COMMD10: variants seen among roughly 807,000 people sequenced by gnomAD.
COMMD10 encodes the protein COMM domain-containing protein 10.
COMMD10 carries 33 observed loss-of-function variants against 28.9 expected under a neutral mutation model. That is an observed-to-expected ratio of 1.14 (90% CI 0.87 to 1.53). The LOEUF (loss-of-function observed/expected upper bound fraction) is 1.53, where lower values mean the gene tolerates loss of function less well. Ranked by LOEUF, COMMD10 falls within the 40% of genes most tolerant of loss-of-function variation. The pLI, the probability that COMMD10 is intolerant of heterozygous loss-of-function variation, is 0.00. For missense variants in COMMD10, 310 were observed against 233.4 expected (o/e 1.33, Z -2.14); for synonymous variants, 110 against 81.7 (o/e 1.35, Z -1.87).
intron 5 of COMMD10, among the ~76,000 whole-genome samples, chr5:116,168,989 C>T (rs191246422): frequency 1.8e-3 from 268 of 151,624 alleles, no homozygotes; most frequent in African/African-American, 5.9e-3. Flanking sequence ...CAGAGTAGAA[C>T]GAAAGGAGAT....
At chr5:116,237,319 CAG>C (rs767709935) in intron 5 of COMMD10, among the ~76,000 whole-genome samples, 1 of 151,994 alleles carries the variant, frequency 6.6e-6, no homozygotes, top group Non-Finnish European at 1.5e-5. Flanking sequence ...CTTAGTGTGA[CAG>C]AGATGGGAAG....
In COMMD10 at chr5:116,287,270, T is replaced by G. The variant is rs185013920; in HGVS notation, c.511-4247T>G. ...CACCAAAGCTATGAGGTTTGGTGCATAAATATTTATAATTGTTTTATTTTC... is the reference window on the plus strand; with the variant it reads ...CACCAAAGCTATGAGGTTTGGTGCAGAAATATTTATAATTGTTTTATTTTC... On this transcript the variant is annotated intron_variant, in intron 5 of 6. Transcript: ENST00000274458. Among the ~76,000 whole-genome samples, 327 of 151,792 alleles carry G rather than the reference T, an allele frequency of 2.2e-3. 3 individuals carry two copies. The highest frequency in any genetic ancestry group is 3.2e-3 in the Non-Finnish European group (217 of 67,884).
rs1206706012 is a variant in COMMD10, at chr5:116,226,006, G to T, written c.511-65511G>T. Among the ~76,000 whole-genome samples, 5 of 151,914 alleles carry T rather than the reference G, an allele frequency of 3.3e-5. No individual in the cohort carries two copies. The East Asian group carries it at 7.7e-4, about 23-fold the overall frequency. ...TTCCAGCTCTCCACTCCAAGTTCTA[G>T]CATCTTTAGCCAGTGCGATGCCATT... On this transcript the variant is annotated intron_variant, in intron 5 of 6. Coordinates refer to ENST00000274458, the MANE Select transcript of COMMD10 (RefSeq NM_016144.4).
intron 5 of COMMD10, among the ~76,000 whole-genome samples, chr5:116,204,990 T>G (rs986107137): frequency 2.0e-5 from 3 of 152,060 alleles, no homozygotes; most frequent in African/African-American, 7.2e-5. Context: ...TAGTTAAAGG[T>G]GCATGATAAA....
intron 5 of COMMD10, among the ~76,000 whole-genome samples, chr5:116,233,820 G>A (rs749591155): frequency 1.3e-5 from 2 of 152,114 alleles, no homozygotes; most frequent in Non-Finnish European, 2.9e-5. Context: ...GAGGGGTGTG[G>A]TAGGACAGAT....
At chr5:116,250,344 T>G (rs1032801394) in intron 5 of COMMD10, among the ~76,000 whole-genome samples, 6 of 151,840 alleles carry the variant, frequency 4.0e-5, no homozygotes, top group African/African-American at 1.4e-4. Context: ...CATATGAATA[T>G]GAACAATTTA....
rs146290776 is a variant in COMMD10 at position 116,184,544 on chromosome 5, A to G, written c.510+50366A>G. 5.1e-3 allele frequency among the ~76,000 whole-genome samples: 781 copies of G among 152,182 alleles called. 6 individuals are homozygous for G. Among genetic ancestry groups the G allele is most frequent in the African/African-American group, 0.018 (751 of 41,536 alleles). On this transcript the variant is annotated intron_variant, in intron 5 of 6. Transcript: ENST00000274458. The stretch of plus-strand genomic sequence containing the variant: ...ATTGGTTAACACTGACTCCTAGGGT[A>G]CAGTCTCATCAATGTTGGTGTAGAA...
In COMMD10 at chr5:116,114,699, T is replaced by G. The variant is rs977906741; in HGVS notation, c.400-19369T>G. ...CTGAAGTACTGCCATGATGGGAGAG[T>G]GGGGCTACTGGTCCCAGTGGTTTCA... is the stretch of plus-strand genomic sequence containing the variant. On this transcript the variant is annotated intron_variant, in intron 4 of 6. Coordinates refer to ENST00000274458, the MANE Select transcript of COMMD10 (RefSeq NM_016144.4). Among the ~76,000 whole-genome samples the G allele has an allele frequency of 2.0e-5, 3 of 151,946 alleles. 1 individual carries two copies. In the South Asian group the frequency reaches 6.2e-4, roughly 32 times the overall value.
intron 5 of COMMD10, among the ~76,000 whole-genome samples, chr5:116,236,562 C>A (rs1403288981): frequency 2.0e-5 from 3 of 151,310 alleles, no homozygotes; most frequent in African/African-American, 7.3e-5. Context: ...CATGGAGACC[C>A]CTTAAATACA....
Position 116,086,440 on chromosome 5 carries a change from C to T in COMMD10, c.42-1057C>T, listed in dbSNP as rs142628719. Among the ~76,000 whole-genome samples the T allele has an allele frequency of 4.2e-3, 630 of 148,682 alleles. 7 individuals carry two copies. The highest frequency in any genetic ancestry group is 0.015 in the African/African-American group (596 of 40,282). ...CCTGTAATTCCAGCACTTTGGGAGG[C>T]TGAGGCGGGCTAATCTCTCTCTCTT... On this transcript the variant is annotated intron_variant, in intron 1 of 6. Coordinates refer to ENST00000274458, the MANE Select transcript of COMMD10 (RefSeq NM_016144.4).
intron 4 of COMMD10, among the ~76,000 whole-genome samples, chr5:116,132,021 A>T (rs1306192964): frequency 6.6e-6 from 1 of 151,956 alleles, no homozygotes; most frequent in Non-Finnish European, 1.5e-5. Flanking sequence ...TGTAGGTAGT[A>T]AGGAGCTATT....
intron 5 of COMMD10, among the ~76,000 whole-genome samples, chr5:116,192,740 T>C (rs980714024): frequency 2.6e-5 from 4 of 152,270 alleles, no homozygotes; most frequent in Admixed American, 6.5e-5. Context: ...GGAAAACATA[T>C]TTGATGGAAT....
At chr5:116,207,358 C>T (rs559142452) in intron 5 of COMMD10, among the ~76,000 whole-genome samples, 251 of 152,254 alleles carry the variant, frequency 1.6e-3, no homozygotes, top group Non-Finnish European at 2.9e-3. Flanking sequence ...AATTCCCTTT[C>T]TTAGAGAAGG....
chr5:116,245,366 C>T (rs750154131), intron 5 of COMMD10, among the ~76,000 whole-genome samples: 26 of 151,956 alleles, frequency 1.7e-4, no homozygotes, highest in Non-Finnish European at 3.7e-4. Context: ...GCTTACCAAC[C>T]AATAATGTCC....
chr5:116,267,418 A>G (rs971908483), intron 5 of COMMD10, among the ~76,000 whole-genome samples: 1 of 151,930 alleles, frequency 6.6e-6, no homozygotes, highest in African/African-American at 2.4e-5. Flanking sequence ...TTCAAGGAGA[A>G]CTACAAACCA....
chr5:116,092,675 G>A lies in COMMD10; in HGVS notation c.374G>A (p.Arg125Gln), dbSNP rs753094653. ...GGTCAAGAAACAGTTGAAAAGTTCC[G>A]GCAGAGAATTCTGGCTCCCTGTAAG... ...SMGQETVEKF[R>Q]QRILAPCKLE... Residue 125 changes from arginine to glutamine, a missense_variant, in exon 4 of 7, where the codon CGG (arginine) becomes CAG (glutamine). Arg to Gln is a conservative substitution (Grantham distance 43, BLOSUM62 1). Transcript: ENST00000274458. 3.0e-5 allele frequency: 48 copies of A among 1,607,000 alleles called. No individual in the cohort carries two copies. Among genetic ancestry groups the A allele is most frequent in the Admixed American group, 1.2e-4 (7 of 58,984 alleles).
chr5:116,089,385 G>C (rs902462943), intron 2 of COMMD10, among the ~76,000 whole-genome samples: 1 of 152,188 alleles, frequency 6.6e-6, no homozygotes, highest in African/African-American at 2.4e-5. Context: ...AAAGAGTATG[G>C]AACATTTCAT....
intron 4 of COMMD10, among the ~76,000 whole-genome samples, chr5:116,121,655 C>T (rs1453755523): frequency 1.3e-5 from 2 of 152,158 alleles, no homozygotes; most frequent in African/African-American, 4.8e-5. Context: ...TGTTTCCTGA[C>T]TTTTTAATGA....
rs140069961 is a variant in COMMD10 at position 116,168,268 on chromosome 5, G to A, written c.510+34090G>A. 7.1e-3 allele frequency among the ~76,000 whole-genome samples: 1,071 copies of A among 151,868 alleles called. 15 individuals carry two copies. Among genetic ancestry groups the A allele is most frequent in the African/African-American group, 0.025 (1,029 of 41,400 alleles). The stretch of plus-strand genomic sequence containing the variant: ...GCATTACATAATGATAAAGGGATCA[G>A]TGCAACAAGAAGAGCTAACTTTCTT... On this transcript the variant is annotated intron_variant, in intron 5 of 6. Coordinates refer to ENST00000274458, the MANE Select transcript of COMMD10 (RefSeq NM_016144.4).
Sources: allele counts gnomAD v4.1 joint callset (sites outside exome capture counted in the v4.1 genomes callset), GRCh38; gene constraint gnomAD v4.1.1; transcripts MANE v1.5; gene names NCBI Gene and HGNC (gene_info 2026-07-23, HGNC 2026-07-21).